CYTH1: variants seen among roughly 807,000 people sequenced by gnomAD.
CYTH1 encodes the protein cytohesin-1.
CYTH1 carries 18 observed loss-of-function variants against 61.8 expected under a neutral mutation model. The observed-to-expected ratio is 0.29, with a 90% CI of 0.20 to 0.43. CYTH1 has a LOEUF of 0.43. Ranked by LOEUF, CYTH1 falls within the 20% of genes least tolerant of loss-of-function variation. The pLI, the probability that CYTH1 is intolerant of heterozygous loss-of-function variation, is 1.00. For missense variants in CYTH1, 336 were observed against 510.5 expected, an observed-to-expected ratio of 0.66 and a Z score of 3.29; for synonymous variants, 174 against 184.3, an observed-to-expected ratio of 0.94 and a Z score of 0.45.
chr17:78,680,114 A>G (rs1355327291), intron 13 of CYTH1, 76 bp downstream of exon 13: 8 of 1,556,998 alleles, frequency 5.1e-6, no homozygotes, highest in Non-Finnish European at 6.1e-6. Context: ...GGCATGTTTA[A>G]CCACTAAGAT....
intron 1 of CYTH1, among the ~76,000 whole-genome samples, chr17:78,733,377 T>C (rs2093304855): frequency 6.6e-6 from 1 of 152,222 alleles, no homozygotes; most frequent in South Asian, 2.1e-4. Context: ...AAAGACTCAA[T>C]GAGTACAAAT....
intron 2 of CYTH1, 83 bp from the exon 3 acceptor site, chr17:78,708,344 C>A: frequency 7.9e-7 from 1 of 1,264,706 alleles, no homozygotes; most frequent in Non-Finnish European, 1.1e-6. Flanking sequence ...TAACTCCCTC[C>A]AACCAAAAAC....
chr17:78,711,299 A>C (rs1272056118), intron 1 of CYTH1, among the ~76,000 whole-genome samples: 2 of 100,932 alleles, frequency 2.0e-5, no homozygotes, highest in Non-Finnish European at 4.3e-5. Context: ...TAAATAAATA[A>C]ATAATATATA....
chr17:78,677,039 C>T, intron 13 of CYTH1: 1 of 456,078 alleles, frequency 2.2e-6, no homozygotes, highest in Non-Finnish European at 4.4e-6. Context: ...CTCTCCTGGG[C>T]TGACCTGGAA....
At chr17:78,692,683 C>A (rs2092900557) in intron 10 of CYTH1, among the ~76,000 whole-genome samples, 190 bp from the exon 11 acceptor site, 1 of 151,696 alleles carries the variant, frequency 6.6e-6, no homozygotes, top group Non-Finnish European at 1.5e-5. Context: ...AAAGTGAAAG[C>A]CTGTGGGTAC....
At chr17:78,760,384 T>TACATATATATATGTGTATATATATAC (rs1555615253) in intron 1 of CYTH1, among the ~76,000 whole-genome samples, 1 of 51,406 alleles carries the variant, frequency 1.9e-5, no homozygotes, top group Non-Finnish European at 3.6e-5. Flanking sequence ...TATATATATA[T>TACATATATATATGTGTATATATATAC]ACACACACAT....
rs115706657 is a variant in CYTH1 at position 78,777,935 on chromosome 17, G to A, written c.22+4267C>T. 5.7e-3 allele frequency among the ~76,000 whole-genome samples: 865 copies of A among 152,046 alleles called. 7 individuals are homozygous for A. The highest frequency in any genetic ancestry group is 0.018 in the African/African-American group (743 of 41,450). On this transcript the variant is annotated intron_variant, in intron 1 of 13. Transcript: ENST00000446868. ...AGCAGGGACAGGGACAGGGACAGAG[G>A]AAGCACTGTTGAAAACAGCGCACAC...
intron 3 of CYTH1, among the ~76,000 whole-genome samples, chr17:78,705,251 C>T (rs1480578504): frequency 6.6e-6 from 1 of 152,144 alleles, no homozygotes; most frequent in Non-Finnish European, 1.5e-5. Flanking sequence ...CCGCCAGTCA[C>T]AGTCTGTGCC....
rs373215397 is a variant in CYTH1, at chr17:78,782,215, C to G, written c.9G>C (p.Glu3Asp). The change falls in exon 1 of 14, where the codon GAG becomes GAC. Residue 3 changes from glutamate to aspartate, a missense_variant. By Grantham distance (45) the Glu-to-Asp change is conservative. Transcript: ENST00000446868. ME[E>D]DDSYVPSDLT... The stretch of plus-strand genomic sequence containing the variant: ...GGGCGCACTGACCGTAGCTGTCGTC[C>G]TCCTCCATGGTGCGGGAGCCGGGCT... The G allele has an allele frequency of 4.4e-3, 5,971 of 1,366,130 alleles. 31 individuals are homozygous for G. The highest frequency in any genetic ancestry group is 5.4e-3 in the Non-Finnish European group (5,634 of 1,044,674). The allele number at this position is 1,366,130 out of a possible 1,614,324, so 84.6% of individuals were successfully genotyped here.
intron 10 of CYTH1, 22 bp downstream of exon 10, chr17:78,695,985 G>A (rs777494958): frequency 5.1e-6 from 7 of 1,367,714 alleles, no homozygotes; most frequent in South Asian, 1.1e-5. Context: ...CAGAGCGAGC[G>A]AGCAGGCTGA....
rs1356665011 is a variant in CYTH1 at position 78,702,402 on chromosome 17, CT to C, written c.237+135del. 5.7e-6 allele frequency: 6 copies of C among 1,045,110 alleles called. No homozygotes were observed. In the African/African-American group the frequency reaches 8.0e-5, roughly 14 times the overall value. The allele number at this position is 1,045,110 out of a possible 1,614,324, so 64.7% of individuals were successfully genotyped here. A position where few individuals can be genotyped will look rare whatever the true frequency, so the allele number is the denominator to read the frequency against. The stretch of plus-strand genomic sequence containing the variant: ...GGGAGTCACAGTTTAGGAACAAGGG[CT>C]TAGTGCATAACATTTGCTCTACAAA... On this transcript the variant is annotated intron_variant, in intron 4 of 13. Coordinates refer to ENST00000446868, the MANE Select transcript of CYTH1 (RefSeq NM_004762.6).
At chr17:78,695,884 AAGCAGCATTAACACT>A in intron 10 of CYTH1, 108 bp downstream of exon 10, 1 of 1,300,720 alleles carries the variant, frequency 7.7e-7, no homozygotes, top group Non-Finnish European at 1.0e-6. Flanking sequence ...AATAAGTTAG[AAGCAGCATTAACACT>A]ACCACCGGCA....
At chr17:78,743,197 A>C (rs1040643129) in intron 1 of CYTH1, among the ~76,000 whole-genome samples, 19 of 152,256 alleles carry the variant, frequency 1.2e-4, no homozygotes, top group African/African-American at 4.1e-4. Context: ...TGAAAAAAGA[A>C]ATAAGCCAGG....
chr17:78,734,395 T>TATGTACCA (rs61273305), intron 1 of CYTH1, among the ~76,000 whole-genome samples: 1 of 138,858 alleles, frequency 7.2e-6, no homozygotes, highest in Non-Finnish European at 1.5e-5. Context: ...CTGACGAATG[T>TATGTACCA]ATGTACCAAT....
At chr17:78,727,007 C>T (rs1194235757) in intron 1 of CYTH1, among the ~76,000 whole-genome samples, 1 of 152,236 alleles carries the variant, frequency 6.6e-6, no homozygotes, top group African/African-American at 2.4e-5. Flanking sequence ...GGCTCAAGGA[C>T]AGGTGCAACC....
chr17:78,686,117 G>A (rs1457938876), intron 11 of CYTH1, among the ~76,000 whole-genome samples: 1 of 152,014 alleles, frequency 6.6e-6, no homozygotes, highest in African/African-American at 2.4e-5. Context: ...TGGTATTATT[G>A]GGATCGTCTT....
chr17:78,688,226 A>G (rs568950657), intron 11 of CYTH1, among the ~76,000 whole-genome samples: 6 of 152,334 alleles, frequency 3.9e-5, no homozygotes, highest in Admixed American at 2.0e-4. Flanking sequence ...ACCACAAAAC[A>G]AAACAGTTCA....
chr17:78,694,275 C>T (rs892282192), intron 10 of CYTH1, among the ~76,000 whole-genome samples: 5 of 152,150 alleles, frequency 3.3e-5, no homozygotes, highest in East Asian at 1.9e-4. Context: ...CTAGGTTATG[C>T]GAGGGAATTT....
intron 11 of CYTH1, among the ~76,000 whole-genome samples, chr17:78,688,659 A>C (rs2092842994): frequency 6.6e-6 from 1 of 152,242 alleles, no homozygotes; most frequent in South Asian, 2.1e-4. Flanking sequence ...ATATTTGATG[A>C]AGTGGTGGCC....
Sources: gnomAD v4.1 joint callset for allele counts (sites outside exome capture counted in the v4.1 genomes callset) on GRCh38, gnomAD v4.1.1 for gene constraint, MANE v1.5 for transcripts, NCBI Gene and HGNC (gene_info 2026-07-23, HGNC 2026-07-21) for gene names.